Variants in DOCK1 observed in about 807,000 individuals in gnomAD.
DOCK1 encodes the protein dedicator of cytokinesis 1, also known as dedicator of cytokinesis protein 1.
DOCK1 carries 138 observed loss-of-function variants against 262.7 expected under a neutral mutation model. The observed-to-expected ratio is 0.53, with a 90% CI of 0.46 to 0.61. The LOEUF (loss-of-function observed/expected upper bound fraction) is 0.61, where lower values mean the gene tolerates loss of function less well. Among genes scored for constraint, DOCK1 ranks in the 20% least tolerant of loss-of-function variants. The pLI, the probability that DOCK1 is intolerant of heterozygous loss-of-function variation, is 0.00. For missense variants in DOCK1, 1,908 were observed against 2,370.7 expected, an observed-to-expected ratio of 0.80 and a Z score of 4.05; for synonymous variants, 866 against 867.4, an observed-to-expected ratio of 1.00 and a Z score of 0.03.
intron 42 of DOCK1, among the ~76,000 whole-genome samples, chr10:127,409,803 C>A (rs1478072768): frequency 6.6e-6 from 1 of 152,090 alleles, no homozygotes; most frequent in African/African-American, 2.4e-5. Flanking sequence ...TTTTAGAAGG[C>A]GGGAAATGGG....
intron 29 of DOCK1, among the ~76,000 whole-genome samples, chr10:127,324,948 C>G (rs2062693550): frequency 1.3e-5 from 2 of 152,168 alleles, no homozygotes. Context: ...CCCACAGCTT[C>G]TTGCCACTAG....
At chr10:127,183,311 C>T (rs2055915376) in intron 27 of DOCK1, among the ~76,000 whole-genome samples, 1 of 152,126 alleles carries the variant, frequency 6.6e-6, no homozygotes, top group African/African-American at 2.4e-5. Context: ...AAGATGCAGT[C>T]TGTCTTTCTG....
At chr10:127,298,963 T>C (rs558226607) in intron 29 of DOCK1, among the ~76,000 whole-genome samples, 69 of 152,136 alleles carry the variant, frequency 4.5e-4, no homozygotes, top group Non-Finnish European at 9.1e-4. Context: ...AAGGTGTCTA[T>C]TGTAAGATAG....
intron 5 of DOCK1, 38 bp downstream of exon 5, chr10:126,987,655 G>C (rs770053415): frequency 1.6e-5 from 24 of 1,505,708 alleles, no homozygotes; most frequent in Non-Finnish European, 2.1e-5. Context: ...CTTAGAAATA[G>C]AGAGTGGGCT....
chr10:126,906,300 T>A (rs2030806544), intron 1 of DOCK1, among the ~76,000 whole-genome samples: 1 of 152,138 alleles, frequency 6.6e-6, no homozygotes. Flanking sequence ...GAGTGCGCAT[T>A]CCTGAGAGGG....
Position 127,261,126 on chromosome 10 carries a change from T to C in DOCK1, c.3044+3697T>C, listed in dbSNP as rs564873700. On this transcript the variant is annotated intron_variant, in intron 29 of 51. Transcript: ENST00000623213. ...ACCTGCATGTGTGTGCATGTGTGTG[T>C]GCCTGCATGTGTGTGCGTGTGTACC... 9.7e-4 allele frequency among the ~76,000 whole-genome samples: 142 copies of C among 147,032 alleles called. 1 individual carries two copies. The highest frequency in any genetic ancestry group is 3.5e-3 in the African/African-American group (134 of 38,648).
At chr10:127,339,350 A>G (rs2063326347) in intron 30 of DOCK1, among the ~76,000 whole-genome samples, 1 of 152,156 alleles carries the variant, frequency 6.6e-6, no homozygotes, top group Non-Finnish European at 1.5e-5. Context: ...GGACTCTTCA[A>G]GCAGGGAGGC....
At chr10:126,955,916 ATAG>A (rs1359167217) in intron 1 of DOCK1, among the ~76,000 whole-genome samples, 1 of 152,098 alleles carries the variant, frequency 6.6e-6, no homozygotes, top group East Asian at 1.9e-4. Context: ...GCTGGCTCAA[ATAG>A]TGGTGTTGAG....
intron 23 of DOCK1, among the ~76,000 whole-genome samples, chr10:127,067,944 C>T (rs2045973380): frequency 6.6e-6 from 1 of 151,948 alleles, no homozygotes. Context: ...GAGGTTGGCA[C>T]ACAGATGCAG....
chr10:127,100,829 G>A lies in DOCK1; in HGVS notation c.2446-5402G>A, dbSNP rs571666115. On this transcript the variant is annotated intron_variant, in intron 23 of 51. Transcript: ENST00000623213. This position sits in a 1 kb window ranked among gnomAD's most constrained non-coding sequence, Gnocchi z 5.5. ...CAGGAACAGAGCTGTGGTGCGGGCC[G>A]GAGTCAGGCTGCAGTGGGAGTGAGG... Among the ~76,000 whole-genome samples the A allele has an allele frequency of 3.3e-5, 5 of 152,272 alleles. No homozygotes were observed. In the South Asian group the frequency reaches 1.0e-3, roughly 32 times the overall value.
intron 29 of DOCK1, among the ~76,000 whole-genome samples, chr10:127,280,560 A>G (rs938365633): frequency 6.6e-6 from 1 of 152,196 alleles, no homozygotes; most frequent in Non-Finnish European, 1.5e-5. Context: ...ACTGCTGGGG[A>G]CAAAGTTGGC....
In DOCK1 at chr10:127,140,671, C is replaced by A. The variant is rs550397550; in HGVS notation, c.2847+12907C>A. ...GGGTTGAGTTTGACACACCGAGTCT[C>A]TGGGTTGAGTCTGAAGCAGAAACCT... is the stretch of plus-strand genomic sequence containing the variant. On this transcript the variant is annotated intron_variant, in intron 27 of 51. Transcript: ENST00000623213. Among the ~76,000 whole-genome samples, 15 of 152,304 alleles carry A rather than the reference C, an allele frequency of 9.8e-5. No homozygotes were observed. The East Asian group carries it at 2.5e-3, about 26-fold the overall frequency.
intron 16 of DOCK1, among the ~76,000 whole-genome samples, chr10:127,029,643 C>T (rs2043105696): frequency 6.6e-6 from 1 of 152,172 alleles, no homozygotes; most frequent in South Asian, 2.1e-4. Context: ...TACTGCTGTT[C>T]CTAAGGTTCT....
chr10:127,203,248 A>G (rs766411425), intron 27 of DOCK1, among the ~76,000 whole-genome samples: 2 of 152,078 alleles, frequency 1.3e-5, no homozygotes, highest in Non-Finnish European at 2.9e-5. Context: ...TCGTATTACC[A>G]TGGCCTTTTG....
chr10:126,975,325 G>A (rs2038441625), intron 2 of DOCK1, among the ~76,000 whole-genome samples: 1 of 152,134 alleles, frequency 6.6e-6, no homozygotes, highest in Non-Finnish European at 1.5e-5. Context: ...ATCTCACTCT[G>A]CAGGGCACAC....
At position 126,987,627 on chromosome 10, in the gene DOCK1, T is replaced by G; in HGVS notation, c.324+10T>G. On this transcript the variant is annotated intron_variant, in intron 5 of 51. Transcript: ENST00000623213. ...GAGGCAGCTCTACGTGGTGAGAAAA[T>G]GAGATATTCATTCAAAGCTTAGAAA... The G allele has an allele frequency of 6.5e-7, 1 of 1,548,702 alleles. No homozygotes were observed. Among genetic ancestry groups the G allele is most frequent in the Non-Finnish European group, 8.7e-7 (1 of 1,144,414 alleles).
At chr10:127,356,952 A>T (rs1356542445) in intron 32 of DOCK1, among the ~76,000 whole-genome samples, 2 of 152,182 alleles carry the variant, frequency 1.3e-5, no homozygotes. Flanking sequence ...GAAGGTTCTC[A>T]TTCTGGAATG....
At chr10:126,980,159 G>A (rs772696264) in intron 3 of DOCK1, among the ~76,000 whole-genome samples, 8 of 152,084 alleles carry the variant, frequency 5.3e-5, no homozygotes, top group Non-Finnish European at 7.4e-5. Flanking sequence ...GCAACCCAGC[G>A]TTGGGTCCCT....
At chr10:127,199,028 T>C (rs1015442690) in intron 27 of DOCK1, among the ~76,000 whole-genome samples, 1 of 151,736 alleles carries the variant, frequency 6.6e-6, no homozygotes, top group Admixed American at 6.6e-5. Context: ...TTTTAGGGTC[T>C]AGAATGAGTC....
Sources: gnomAD v4.1 joint callset for allele counts (sites outside exome capture counted in the v4.1 genomes callset) on GRCh38, gnomAD v4.1.1 for gene constraint, Gnocchi (gnomAD v3.1) non-coding constraint, MANE v1.5 for transcripts, NCBI Gene and HGNC (gene_info 2026-07-23, HGNC 2026-07-21) for gene names.